RABL6: variants seen among roughly 807,000 people sequenced by gnomAD.
The protein encoded by RABL6 is rab-like protein 6.
In RABL6, 28 loss-of-function variants were observed where a neutral mutation model predicts 72.9. The ratio of observed to expected loss-of-function variants is 0.38; its 90% CI spans 0.28 to 0.53. The LOEUF is 0.53. Among genes scored for constraint, RABL6 ranks in the 20% least tolerant of loss-of-function variants. The probability of loss-of-function intolerance (pLI) is 0.80; values close to 1 mark genes in which losing one functional copy is unlikely to be tolerated. For synonymous variants in RABL6, 477 were observed against 421.2 expected, an observed-to-expected ratio of 1.13 and a Z score of -1.62; for missense variants, 1,029 against 1,008.4, an observed-to-expected ratio of 1.02 and a Z score of -0.28.
chr9:136,840,706 A>C lies in RABL6; in HGVS notation c.*184A>C. 1 of 1,548,780 alleles carries C rather than the reference A, an allele frequency of 6.5e-7. No homozygotes were observed. The highest frequency in any genetic ancestry group is 8.7e-7 in the Non-Finnish European group (1 of 1,146,834). Reference sequence around the variant, plus strand: ...CTGCAGGTGCTGGGCCTTCAGGCCCAGTGTGAGCCTGCTCTGCAAGAAGGG... The same window carrying C: ...CTGCAGGTGCTGGGCCTTCAGGCCCCGTGTGAGCCTGCTCTGCAAGAAGGG... On this transcript the variant is annotated 3_prime_UTR_variant, in exon 15 of 15. Coordinates refer to ENST00000311502, the MANE Select transcript of RABL6 (RefSeq NM_024718.5).
At position 136,821,207 on chromosome 9, in the gene RABL6, T is replaced by C. The variant is rs543807426; in HGVS notation, c.131-2318T>C. On this transcript the variant is annotated intron_variant, in intron 1 of 14. Coordinates refer to ENST00000311502, the MANE Select transcript of RABL6 (RefSeq NM_024718.5). Reference sequence around the variant, plus strand: ...TTTACAAAATGAAGGAAGTGGGTTCTGTCCCGTAGGGTTGAGGAGCCGAGA... The same window carrying C: ...TTTACAAAATGAAGGAAGTGGGTTCCGTCCCGTAGGGTTGAGGAGCCGAGA... The C allele has an allele frequency of 2.2e-5, 12 of 548,618 alleles. No homozygotes were observed. The South Asian group carries it at 7.9e-4, about 36-fold the overall frequency. The allele number at this position is 548,618 out of a possible 1,614,324, so 34.0% of individuals were successfully genotyped here. A position where few individuals can be genotyped will look rare whatever the true frequency, so the allele number is the denominator to read the frequency against.
chr9:136,823,405 T>A (rs763442193), intron 1 of RABL6, 120 bp from the exon 2 acceptor site: 66 of 1,372,286 alleles, frequency 4.8e-5, no homozygotes, highest in Non-Finnish European at 6.1e-5. Flanking sequence ...CTGGTCTGAT[T>A]CTAGCAAGAA....
At chr9:136,809,765 C>T (rs898943848) in intron 1 of RABL6, 3 of 155,954 alleles carry the variant, frequency 1.9e-5, no homozygotes. Flanking sequence ...GCGCAGCCAA[C>T]ACGTTTAGGA....
At chr9:136,815,189 GC>G in intron 1 of RABL6, 3 of 332,212 alleles carry the variant, frequency 9.0e-6, no homozygotes, top group South Asian at 2.6e-5. Context: ...GCCGTTCTTT[GC>G]CCCCTTGGCT....
At chr9:136,833,794 C>G in intron 7 of RABL6, 1 of 1,550,478 alleles carries the variant, frequency 6.4e-7, no homozygotes. Context: ...TGCCTGCAGG[C>G]TGGGACTGCT....
intron 1 of RABL6, among the ~76,000 whole-genome samples, chr9:136,816,735 G>T (rs7867772): frequency 0.065 from 8,639 of 132,664 alleles, 607 homozygotes; most frequent in African/African-American, 0.19. Flanking sequence ...GGGGGGGGGG[G>T]TAATTTTTTA....
At position 136,828,407 on chromosome 9, in the gene RABL6, GC is replaced by G. The variant is rs1848402319; in HGVS notation, c.314-86del. The G allele has an allele frequency of 2.2e-6, 3 of 1,366,194 alleles. No individual in the cohort carries two copies. The East Asian group carries it at 7.2e-5, about 33-fold the overall frequency. The allele number at this position is 1,366,194 out of a possible 1,614,324, so 84.6% of individuals were successfully genotyped here. A position where few individuals can be genotyped will look rare whatever the true frequency, so the allele number is the denominator to read the frequency against. On this transcript the variant is annotated intron_variant, in intron 3 of 14. Transcript: ENST00000311502. ...AGTAGAGCACCCGCTGGAGCTGGGGGCTGAGTGGCCATGGGGGGACCATGCT... is the reference window on the plus strand; with the variant it reads ...AGTAGAGCACCCGCTGGAGCTGGGGGTGAGTGGCCATGGGGGGACCATGCT...
intron 4 of RABL6, 39 bp from the exon 5 acceptor site, chr9:136,829,354 G>A (rs754825561): frequency 1.0e-5 from 15 of 1,506,762 alleles, no homozygotes; most frequent in Admixed American, 2.0e-5. Context: ...GTGGGGCCCA[G>A]CCTGGGCCAG....
At chr9:136,812,873 C>T in intron 1 of RABL6, 1 of 323,912 alleles carries the variant, frequency 3.1e-6, no homozygotes, top group Non-Finnish European at 6.1e-6. Context: ...CTGGCTTCTG[C>T]CACCACCTCA....
intron 1 of RABL6, among the ~76,000 whole-genome samples, chr9:136,812,421 T>C (rs1358007471): frequency 1.3e-5 from 2 of 152,062 alleles, no homozygotes; most frequent in East Asian, 3.9e-4. Flanking sequence ...TAGCCAGGTG[T>C]GGTGGCGTAT....
chr9:136,840,692 G>T lies in RABL6; in HGVS notation c.*170G>T. 6.5e-7 allele frequency: 1 copy of T among 1,549,042 alleles called. No individual in the cohort carries two copies. The highest frequency in any genetic ancestry group is 8.7e-7 in the Non-Finnish European group (1 of 1,146,844). On this transcript the variant is annotated 3_prime_UTR_variant, in exon 15 of 15. Coordinates refer to ENST00000311502, the MANE Select transcript of RABL6 (RefSeq NM_024718.5). ...CCCCAGGCTGGGCCCTGCAGGTGCT[G>T]GGCCTTCAGGCCCAGTGTGAGCCTG... is the stretch of plus-strand genomic sequence containing the variant.
rs767227904 is a variant in RABL6, at chr9:136,839,742, G to A, written c.1807G>A (p.Glu603Lys). 3 of 1,610,370 alleles carry A rather than the reference G, an allele frequency of 1.9e-6. No individual in the cohort carries two copies. In the South Asian group the frequency reaches 3.3e-5, roughly 18 times the overall value. The change falls in exon 13 of 15, where the codon GAG (glutamate) becomes AAG (lysine). Residue 603 changes from glutamate (E) to lysine (K), a missense_variant. Coordinates refer to ENST00000311502, the MANE Select transcript of RABL6 (RefSeq NM_024718.5). ...CCCCTCCGATGTGACTGACGAGGAT[G>A]AGGGCCCTGCCGAGCCGCCCCCACC... ...DDPSDVTDED[E>K]GPAEPPPPPK...
chr9:136,831,880 C>G lies in RABL6; in HGVS notation c.599+19C>G. ...TGGACAGGTGGGTGCGGTGGCCCTG[C>G]TCCCGAGGGACCCTGCCCGGTGCTC... On this transcript the variant is annotated intron_variant, in intron 6 of 14. Transcript: ENST00000311502. 6.3e-7 allele frequency: 1 copy of G among 1,598,608 alleles called. No individual in the cohort carries two copies. Among genetic ancestry groups the G allele is most frequent in the Non-Finnish European group, 8.5e-7 (1 of 1,171,102 alleles).
chr9:136,818,909 G>A (rs1031081510), intron 1 of RABL6, among the ~76,000 whole-genome samples: 2 of 152,182 alleles, frequency 1.3e-5, no homozygotes, highest in African/African-American at 4.8e-5. Flanking sequence ...AAGAAGAAGT[G>A]TTAACTTCAG....
rs191705066 is a variant in RABL6 at position 136,830,691 on chromosome 9, G to A, written c.459-1030G>A. Among the ~76,000 whole-genome samples the A allele has an allele frequency of 2.2e-3, 334 of 152,384 alleles. 3 individuals are homozygous for A. The highest frequency in any genetic ancestry group is 7.5e-3 in the African/African-American group (310 of 41,598). On this transcript the variant is annotated intron_variant, in intron 5 of 14. Coordinates refer to ENST00000311502, the MANE Select transcript of RABL6 (RefSeq NM_024718.5). ...CACCTCCCACTGCTGCCACAGGAAC[G>A]GCCTGGAGGGAGCTGCAGCCGCCTG...
Position 136,828,496 on chromosome 9 carries a change from A to G in RABL6, c.316A>G (p.Lys106Glu), listed in dbSNP as rs200774625. The part of the protein sequence containing the change: ...VEVWDVVDKG[K>E]CKKRGDGLKM... The stretch of plus-strand genomic sequence containing the variant: ...ATTTTTGTTTGTTTTTAAATAAGGA[A>G]AATGCAAAAAGCGAGGCGACGGCTT... Residue 106 changes from lysine to glutamate, a missense_variant and splice_region_variant, in exon 4 of 15, where the codon AAA becomes GAA. Coordinates refer to ENST00000311502, the MANE Select transcript of RABL6 (RefSeq NM_024718.5). 6.2e-7 allele frequency: 1 copy of G among 1,613,122 alleles called. No homozygotes were observed. Among genetic ancestry groups the G allele is most frequent in the African/African-American group, 1.3e-5 (1 of 75,036 alleles).
chr9:136,837,214 CTG>C, intron 8 of RABL6, 130 bp from the exon 9 acceptor site: 1 of 1,051,900 alleles, frequency 9.5e-7, no homozygotes, highest in Non-Finnish European at 1.4e-6. Context: ...ATGATGGCCT[CTG>C]TGGGGCGGGT....
chr9:136,822,612 C>T (rs1388240840), intron 1 of RABL6, among the ~76,000 whole-genome samples: 1 of 152,212 alleles, frequency 6.6e-6, no homozygotes, highest in African/African-American at 2.4e-5. Context: ...AGCCACCTCC[C>T]GCCTTTGCTA....
intron 5 of RABL6, 80 bp from the exon 6 acceptor site, chr9:136,831,641 C>T: frequency 1.9e-6 from 3 of 1,580,916 alleles, no homozygotes; most frequent in Admixed American, 1.7e-5. Context: ...ATCCTCGGGC[C>T]TGGGCGCACA....
Sources: allele counts gnomAD v4.1 joint callset (sites outside exome capture counted in the v4.1 genomes callset), GRCh38; gene constraint gnomAD v4.1.1; transcripts MANE v1.5; gene names NCBI Gene and HGNC (gene_info 2026-07-23, HGNC 2026-07-21).